The following TTC28 variants were observed in gnomAD, a reference collection of about 807,000 sequenced individuals.
The protein encoded by TTC28 is tetratricopeptide repeat domain 28, also known as tetratricopeptide repeat protein 28.
A neutral mutation model predicts 198.0 loss-of-function variants in TTC28; 61 were observed. That is an observed-to-expected ratio of 0.31 (90% CI 0.25 to 0.38). TTC28 has a LOEUF of 0.38. Ranked by LOEUF, TTC28 falls within the 10% of genes least tolerant of loss-of-function variation. The probability of loss-of-function intolerance (pLI) is 1.00; values close to 1 mark genes in which losing one functional copy is unlikely to be tolerated. For missense variants in TTC28, 2,678 were observed against 3,164.0 expected (o/e 0.85, Z 3.69); for synonymous variants, 1,171 against 1,297.8 (o/e 0.90, Z 2.10).
At chr22:28,607,052 T>C (rs1226849080) in intron 2 of TTC28, among the ~76,000 whole-genome samples, 1 of 152,198 alleles carries the variant, frequency 6.6e-6, no homozygotes, top group African/African-American at 2.4e-5. Context: ...GAAAGGAATA[T>C]CCTTCTCTGT....
chr22:28,007,031 A>G (rs1003738259), intron 14 of TTC28: 1 of 152,094 alleles, frequency 6.6e-6, no homozygotes, highest in Non-Finnish European at 1.5e-5. Flanking sequence ...TCTGATCACC[A>G]TGGGGGAGGG....
rs116150746 is a variant in TTC28, at chr22:28,431,050, T to C, written c.382-124407A>G. On this transcript the variant is annotated intron_variant, in intron 2 of 22. Coordinates refer to ENST00000397906, the MANE Select transcript of TTC28 (RefSeq NM_001145418.2). ...TTGGTCCACTCATTCCTACCCCCAA[T>C]TCCAAATACTTCTTCATCTCCCATC... 4.8e-3 allele frequency among the ~76,000 whole-genome samples: 738 copies of C among 152,172 alleles called. 4 individuals carry two copies. Among genetic ancestry groups the C allele is most frequent in the African/African-American group, 0.016 (654 of 41,514 alleles).
chr22:28,587,904 G>A (rs2050345756), intron 2 of TTC28, among the ~76,000 whole-genome samples: 1 of 151,944 alleles, frequency 6.6e-6, no homozygotes, highest in African/African-American at 2.4e-5. Context: ...CACTTTGGGA[G>A]ACCAAGGCGG....
intron 2 of TTC28, among the ~76,000 whole-genome samples, chr22:28,544,374 A>AT (rs2049490677): frequency 6.6e-6 from 1 of 152,248 alleles, no homozygotes; most frequent in Non-Finnish European, 1.5e-5. Flanking sequence ...AAAAGAAAGC[A>AT]TTTGATAGTA....
intron 6 of TTC28, among the ~76,000 whole-genome samples, chr22:28,142,319 C>A (rs2146991638): frequency 6.6e-6 from 1 of 152,254 alleles, no homozygotes; most frequent in South Asian, 2.1e-4. Flanking sequence ...AGAGGAGTAA[C>A]CATGTCTGTG....
intron 5 of TTC28, among the ~76,000 whole-genome samples, chr22:28,192,439 G>C (rs1457108964): frequency 3.9e-5 from 6 of 152,168 alleles, no homozygotes; most frequent in Admixed American, 3.9e-4. Context: ...GCTGGATGGA[G>C]AATGACTTTG....
chr22:28,087,432 G>T (rs1253772981), intron 12 of TTC28, among the ~76,000 whole-genome samples: 1 of 152,158 alleles, frequency 6.6e-6, no homozygotes, highest in African/African-American at 2.4e-5. Context: ...CTCAATAGAT[G>T]CAGAAAAGGC....
intron 2 of TTC28, among the ~76,000 whole-genome samples, chr22:28,410,850 G>A (rs1471412639): frequency 6.6e-6 from 1 of 152,082 alleles, no homozygotes; most frequent in Non-Finnish European, 1.5e-5. Flanking sequence ...TTATAAGGCA[G>A]AACTCTATTT....
intron 2 of TTC28, among the ~76,000 whole-genome samples, chr22:28,388,893 T>C (rs2046664442): frequency 6.6e-6 from 1 of 152,214 alleles, no homozygotes; most frequent in Non-Finnish European, 1.5e-5. Flanking sequence ...CTAGGAGTGG[T>C]GAGAGAGGGC....
At chr22:28,037,175 G>A (rs916159343) in intron 12 of TTC28, among the ~76,000 whole-genome samples, 3 of 152,152 alleles carry the variant, frequency 2.0e-5, no homozygotes, top group Non-Finnish European at 2.9e-5. Flanking sequence ...TATGAGGCCA[G>A]CATCATCCTG....
At chr22:28,325,955 T>G (rs1005477486) in intron 2 of TTC28, among the ~76,000 whole-genome samples, 2 of 152,086 alleles carry the variant, frequency 1.3e-5, no homozygotes, top group African/African-American at 4.8e-5. Flanking sequence ...TTTAGACTTA[T>G]CATATGACCC....
intron 5 of TTC28, among the ~76,000 whole-genome samples, chr22:28,169,500 G>A (rs1300885797): frequency 6.6e-6 from 1 of 152,100 alleles, no homozygotes; most frequent in Admixed American, 6.6e-5. Flanking sequence ...CATAAAAAAG[G>A]ATGAGTCATG....
chr22:28,030,113 A>T, intron 13 of TTC28, 113 bp downstream of exon 13: 1 of 1,425,568 alleles, frequency 7.0e-7, no homozygotes, highest in South Asian at 1.4e-5. Context: ...CTGCAAATGC[A>T]TGACACGAGC....
chr22:28,452,720 GC>G (rs1160157781), intron 2 of TTC28, among the ~76,000 whole-genome samples: 3 of 152,170 alleles, frequency 2.0e-5, no homozygotes, highest in Non-Finnish European at 4.4e-5. Context: ...TTGTTAAAAT[GC>G]CTAGCATTGG....
chr22:28,031,951 C>A (rs1052238857), intron 12 of TTC28, among the ~76,000 whole-genome samples: 4 of 151,568 alleles, frequency 2.6e-5, no homozygotes, highest in African/African-American at 9.7e-5. Flanking sequence ...GCACTGTCAC[C>A]AACCTAAGGC....
chr22:28,003,058 T>C (rs1937777877), intron 14 of TTC28, among the ~76,000 whole-genome samples: 1 of 152,192 alleles, frequency 6.6e-6, no homozygotes, highest in Non-Finnish European at 1.5e-5. Flanking sequence ...TTGTGCAACC[T>C]AGGCAGGAAG....
At chr22:28,515,474 A>G (rs1437533318) in intron 2 of TTC28, among the ~76,000 whole-genome samples, 2 of 152,236 alleles carry the variant, frequency 1.3e-5, no homozygotes, top group Non-Finnish European at 2.9e-5. Context: ...AAGATATTGC[A>G]GAAAGGGCTC....
chr22:28,308,046 AC>A (rs1205525950), intron 2 of TTC28, among the ~76,000 whole-genome samples: 1 of 152,224 alleles, frequency 6.6e-6, no homozygotes, highest in Non-Finnish European at 1.5e-5. Context: ...CTATTAAAAA[AC>A]AATCCATAAA....
chr22:28,550,200 G>A (rs5762681), intron 2 of TTC28, among the ~76,000 whole-genome samples: 1 of 152,190 alleles, frequency 6.6e-6, no homozygotes, highest in African/African-American at 2.4e-5. Flanking sequence ...AGAAGTAGAT[G>A]TTAAATTCTT....
Sources: gnomAD v4.1 joint callset for allele counts (sites outside exome capture counted in the v4.1 genomes callset) on GRCh38, gnomAD v4.1.1 for gene constraint, MANE v1.5 for transcripts, NCBI Gene and HGNC (gene_info 2026-07-23, HGNC 2026-07-21) for gene names.